The following VRK2 variants were observed in gnomAD, a reference collection of about 807,000 sequenced individuals.
VRK2 encodes VRK serine/threonine kinase 2, also known as serine/threonine-protein kinase VRK2.
In VRK2, 60 loss-of-function variants were observed where a neutral mutation model predicts 57.6. The observed-to-expected ratio is 1.04, with a 90% CI of 0.85 to 1.29. The LOEUF is 1.29. Among genes scored for constraint, VRK2 ranks in the 50% most tolerant of loss-of-function variants. VRK2 has a pLI of 0.00. For missense variants in VRK2, 705 were observed against 588.1 expected, an observed-to-expected ratio of 1.20 and a Z score of -2.06; for synonymous variants, 231 against 199.2, an observed-to-expected ratio of 1.16 and a Z score of -1.35.
intron 1 of VRK2, among the ~76,000 whole-genome samples, chr2:57,957,442 T>G (rs1161105101): frequency 6.6e-6 from 1 of 151,936 alleles, no homozygotes; most frequent in African/African-American, 2.4e-5. Context: ...AAAAATCACC[T>G]AGATTGGATA....
chr2:58,050,261 T>A (rs1399570533), intron 2 of VRK2, among the ~76,000 whole-genome samples: 1 of 152,232 alleles, frequency 6.6e-6, no homozygotes, highest in Non-Finnish European at 1.5e-5. Context: ...TTTACTTTTT[T>A]AAATGAAAGT....
intron 1 of VRK2, among the ~76,000 whole-genome samples, chr2:57,977,591 GTTGT>G (rs776537244): frequency 9.0e-5 from 13 of 145,246 alleles, no homozygotes; most frequent in Non-Finnish European, 1.6e-4. Flanking sequence ...TTTTACTGAA[GTTGT>G]TTATGTCCTA....
At chr2:58,047,040 T>G (rs973218924) in intron 1 of VRK2, 172 bp downstream of exon 1, 284 of 933,198 alleles carry the variant, frequency 3.0e-4, no homozygotes, top group Non-Finnish European at 3.5e-4. Context: ...GCTTCCGCGT[T>G]TGGTTCTTTT....
In VRK2 at chr2:57,953,897, G is replaced by A. The variant is rs571064976; in HGVS notation, c.-439+46058G>A. ...TTCTTCAAAAAAACTGAATAAAATC[G>A]TATCACAAAAAAGTTAATAATAGAT... is the stretch of plus-strand genomic sequence containing the variant. On this transcript the variant is annotated intron_variant, in intron 1 of 15. Coordinates refer to the VRK2 transcript ENST00000417641. 3.9e-5 allele frequency among the ~76,000 whole-genome samples: 6 copies of A among 151,970 alleles called. No homozygotes were observed. In the East Asian group the frequency reaches 5.8e-4, roughly 15 times the overall value.
At chr2:58,044,149 A>G (rs925551481), upstream of VRK2, among the ~76,000 whole-genome samples, 6 of 152,092 alleles carry the variant, frequency 3.9e-5, no homozygotes, top group Non-Finnish European at 7.4e-5. Flanking sequence ...TTTTGTATAT[A>G]TGGATGTCTA....
intron 2 of VRK2, among the ~76,000 whole-genome samples, chr2:58,063,896 C>G (rs1264421985): frequency 6.6e-6 from 1 of 152,064 alleles, no homozygotes; most frequent in African/African-American, 2.4e-5. Flanking sequence ...GCAGTGTTAA[C>G]AAGAGTTTGG....
At chr2:58,007,733 G>GA (rs1489106048) in intron 1 of VRK2, among the ~76,000 whole-genome samples, 1 of 152,006 alleles carries the variant, frequency 6.6e-6, no homozygotes, top group African/African-American at 2.4e-5. Context: ...ACTGTGCAGG[G>GA]AATCACTGTC....
At chr2:57,931,025 T>C (rs1670706335) in intron 1 of VRK2, among the ~76,000 whole-genome samples, 1 of 152,150 alleles carries the variant, frequency 6.6e-6, no homozygotes, top group Non-Finnish European at 1.5e-5. Flanking sequence ...ATATATTATA[T>C]ATTCATGTCC....
chr2:57,961,623 A>ACCCCCCCCC (rs10588765), intron 1 of VRK2, among the ~76,000 whole-genome samples: 1 of 95,822 alleles, frequency 1.0e-5, no homozygotes, highest in African/African-American at 4.0e-5. Flanking sequence ...CACTGTACCC[A>ACCCCCCCCC]CCCCCCCCCC....
intron 3 of VRK2, among the ~76,000 whole-genome samples, chr2:58,035,957 C>A (rs769212322): frequency 6.6e-6 from 1 of 152,016 alleles, no homozygotes; most frequent in Non-Finnish European, 1.5e-5. Flanking sequence ...GAAGACAGAA[C>A]TTCCGTTACT....
At chr2:58,026,294 A>G in intron 2 of VRK2, among the ~76,000 whole-genome samples, 1 of 151,684 alleles carries the variant, frequency 6.6e-6, no homozygotes, top group South Asian at 2.1e-4. Flanking sequence ...GTGCGCGCGC[A>G]CACACACATG....
chr2:58,015,399 G>A (rs1308831162), intron 1 of VRK2, among the ~76,000 whole-genome samples: 2 of 152,190 alleles, frequency 1.3e-5, no homozygotes, highest in Admixed American at 1.3e-4. Flanking sequence ...CCTGGCTGTG[G>A]GACCATGGAC....
chr2:58,140,399 G>A (rs375357659), intron 11 of VRK2, among the ~76,000 whole-genome samples: 5 of 151,700 alleles, frequency 3.3e-5, no homozygotes, highest in African/African-American at 4.8e-5. Context: ...TTAAGATTTC[G>A]AGCATTTTTA....
intron 1 of VRK2, among the ~76,000 whole-genome samples, chr2:57,960,203 CA>C (rs1671716288): frequency 6.6e-6 from 1 of 151,870 alleles, no homozygotes; most frequent in African/African-American, 2.4e-5. Context: ...ATCATACAAC[CA>C]AAAAGAGTGC....
chr2:58,017,705 C>T (rs1210373075), intron 1 of VRK2, among the ~76,000 whole-genome samples: 1 of 152,106 alleles, frequency 6.6e-6, no homozygotes, highest in Non-Finnish European at 1.5e-5. Flanking sequence ...TTTCCCAAAG[C>T]ACTGACATTA....
chr2:58,061,563 G>A (rs998187419), intron 2 of VRK2, among the ~76,000 whole-genome samples: 3 of 151,834 alleles, frequency 2.0e-5, no homozygotes, highest in African/African-American at 7.2e-5. Flanking sequence ...AAAGGTTAAG[G>A]TTTTTCATGC....
upstream of VRK2, among the ~76,000 whole-genome samples, chr2:58,045,839 G>T (rs1674698601): frequency 6.6e-6 from 1 of 152,060 alleles, no homozygotes; most frequent in Non-Finnish European, 1.5e-5. Context: ...AGCTTACTAT[G>T]AGTCTTTTTT....
chr2:58,048,522 T>C (rs1675214961), intron 1 of VRK2: 26 of 1,306,468 alleles, frequency 2.0e-5, no homozygotes, highest in Non-Finnish European at 2.5e-5. Flanking sequence ...TTCGTGTTTC[T>C]TAAGGTGTGT....
At chr2:57,941,423 A>C (rs1226556108) in intron 1 of VRK2, among the ~76,000 whole-genome samples, 1 of 152,204 alleles carries the variant, frequency 6.6e-6, no homozygotes, top group Non-Finnish European at 1.5e-5. Context: ...AGAAATAATA[A>C]AAAACACCCT....
Sources: gnomAD v4.1 joint callset for allele counts (sites outside exome capture counted in the v4.1 genomes callset) on GRCh38, gnomAD v4.1.1 for gene constraint, MANE v1.5 for transcripts, NCBI Gene and HGNC (gene_info 2026-07-23, HGNC 2026-07-21) for gene names.